OVCH1: variants seen among roughly 807,000 people sequenced by gnomAD.
The protein encoded by OVCH1 is ovochymase-1.
In OVCH1, 139 loss-of-function variants were observed where a neutral mutation model predicts 138.4. That is an observed-to-expected ratio of 1.00 (90% CI 0.87 to 1.16). The LOEUF (loss-of-function observed/expected upper bound fraction) is 1.16. OVCH1 is among the 50% of genes most tolerant of loss of function. The probability of loss-of-function intolerance (pLI) is 0.00; values close to 1 mark genes in which losing one functional copy is unlikely to be tolerated. For synonymous variants in OVCH1, 453 were observed against 467.8 expected (o/e 0.97, Z 0.41); for missense variants, 1,367 against 1,357.9 (o/e 1.01, Z -0.11).
At chr12:29,492,563 T>C (rs1202350742) in intron 4 of OVCH1, among the ~76,000 whole-genome samples, 1 of 152,086 alleles carries the variant, frequency 6.6e-6, no homozygotes, top group Non-Finnish European at 1.5e-5. Flanking sequence ...CCATTAAAAT[T>C]AACCCAGGCA....
rs570509690 is a variant in OVCH1 at position 29,451,297 on chromosome 12, C to T, written c.2755+48G>A. 10 of 1,484,494 alleles carry T rather than the reference C, an allele frequency of 6.7e-6. No individual in the cohort carries two copies. In the South Asian group the frequency reaches 1.1e-4, roughly 16 times the overall value. The allele number at this position is 1,484,494 out of a possible 1,614,324, so 92.0% of individuals were successfully genotyped here. A position where few individuals can be genotyped will look rare whatever the true frequency, so the allele number is the denominator to read the frequency against. On this transcript the variant is annotated intron_variant, in intron 22 of 27. Coordinates refer to ENST00000318184, the Ensembl canonical transcript of OVCH1. ...CTCATTCCTGATCATAAGCTGCCTA[C>T]ATGGACCAAGACTCCTAGCACGAAG...
At chr12:29,487,786 C>A in exon 7 of OVCH1, 2 of 1,606,516 alleles carry the variant, frequency 1.2e-6, no homozygotes, top group East Asian at 2.2e-5. Context: ...CTTACGGGAA[C>A]TGAACCTCCA....
chr12:29,495,884 T>C (rs556031868), intron 3 of OVCH1, among the ~76,000 whole-genome samples: 2 of 152,356 alleles, frequency 1.3e-5, no homozygotes, highest in East Asian at 3.9e-4. Context: ...CTTTGGAGCA[T>C]CCATTTAACA....
chr12:29,451,166 C>CATAATA (rs201837372), intron 22 of OVCH1, among the ~76,000 whole-genome samples, 179 bp downstream of exon 22: 25 of 150,168 alleles, frequency 1.7e-4, no homozygotes, highest in East Asian at 1.4e-3. Context: ...AAAGTATAAT[C>CATAATA]ATAATAATAA....
At chr12:29,488,633 A>G (rs1943185480) in intron 6 of OVCH1, among the ~76,000 whole-genome samples, 1 of 150,968 alleles carries the variant, frequency 6.6e-6, no homozygotes. Flanking sequence ...AAAAAAAAAA[A>G]AAAAAAAAAA....
At chr12:29,408,867 A>T (rs1014011094), downstream of OVCH1, among the ~76,000 whole-genome samples, 6 of 152,126 alleles carry the variant, frequency 3.9e-5, no homozygotes, top group African/African-American at 1.4e-4. Context: ...TGATTGGAAT[A>T]GTTTCAGAAG....
At chr12:29,410,658 T>C (rs1940943085), downstream of OVCH1, among the ~76,000 whole-genome samples, 1 of 151,084 alleles carries the variant, frequency 6.6e-6, no homozygotes, top group Non-Finnish European at 1.5e-5. Flanking sequence ...TTCTGGCTTG[T>C]AGAGTTTCTG....
chr12:29,448,448 T>C (rs560224537), intron 22 of OVCH1, among the ~76,000 whole-genome samples: 1 of 151,992 alleles, frequency 6.6e-6, no homozygotes, highest in South Asian at 2.1e-4. Context: ...AAGGTGACAT[T>C]CCATCAAGAA....
chr12:29,407,982 T>G (rs1470351532), downstream of OVCH1, among the ~76,000 whole-genome samples: 1 of 142,744 alleles, frequency 7.0e-6, no homozygotes, highest in Non-Finnish European at 1.6e-5. Context: ...TTTTATTTCC[T>G]TGAGCAGTGG....
the OVCH1 span, among the ~76,000 whole-genome samples, chr12:29,405,999 C>G: frequency 2.6e-5 from 4 of 152,196 alleles, no homozygotes; most frequent in African/African-American, 9.6e-5. Context: ...GTTATTTTCA[C>G]ATAATCTTTT....
chr12:29,435,026 A>AAGTT (rs1387924642), intron 26 of OVCH1, among the ~76,000 whole-genome samples: 1 of 152,222 alleles, frequency 6.6e-6, no homozygotes, highest in Non-Finnish European at 1.5e-5. Flanking sequence ...GGGAACTAAA[A>AAGTT]AGTTATTGCT....
At chr12:29,442,889 A>C (rs1222932310) in intron 25 of OVCH1, among the ~76,000 whole-genome samples, 1 of 152,020 alleles carries the variant, frequency 6.6e-6, no homozygotes, top group African/African-American at 2.4e-5. Flanking sequence ...GTATTTATCA[A>C]CTTGTAAAGA....
intron 3 of OVCH1, 67 bp downstream of exon 3, chr12:29,496,114 G>A (rs1943407593): frequency 1.4e-6 from 2 of 1,404,378 alleles, no homozygotes; most frequent in South Asian, 1.2e-5. Flanking sequence ...GCTATTTAGA[G>A]CAACAAATCT....
intron 19 of OVCH1, among the ~76,000 whole-genome samples, chr12:29,461,449 A>T (rs1238569243): frequency 6.6e-6 from 1 of 152,238 alleles, no homozygotes; most frequent in African/African-American, 2.4e-5. Context: ...GAGTACAGAG[A>T]TTAATGATAA....
At chr12:29,487,206 A>G (rs1171711557) in intron 7 of OVCH1, 1 of 196,540 alleles carries the variant, frequency 5.1e-6, no homozygotes, top group Admixed American at 5.7e-5. Flanking sequence ...CATTCTGCAG[A>G]CGACAGGTTT....
At chr12:29,485,969 AAAAT>A (rs60243865) in intron 8 of OVCH1, among the ~76,000 whole-genome samples, 66,960 of 135,926 alleles carry the variant, frequency 0.49, 17,226 homozygotes, top group Middle Eastern at 0.61. Context: ...AAAATAAAAT[AAAAT>A]AAATAAATAA....
chr12:29,471,748 A>G, intron 16 of OVCH1, 54 bp downstream of exon 16: 9 of 1,518,622 alleles, frequency 5.9e-6, no homozygotes, highest in African/African-American at 2.8e-5. Context: ...TGTCCTAGGC[A>G]TTACTTACAA....
intron 17 of OVCH1, 107 bp downstream of exon 17, chr12:29,465,040 G>T (rs1942269223): frequency 1.1e-6 from 1 of 928,238 alleles, no homozygotes; most frequent in Non-Finnish European, 1.6e-6. Flanking sequence ...AGTGTGAAAG[G>T]GCCCTAGGAG....
At position 29,496,173 on chromosome 12, in the gene OVCH1, C is replaced by CAA; in HGVS notation, c.281+6_281+7dup. On this transcript the variant is annotated splice_region_variant and intron_variant, in intron 3 of 27. Coordinates refer to ENST00000318184, the Ensembl canonical transcript of OVCH1. ...AGGCCTGACAAGTAATGGAAATCCACAACTTACTCACTGAGGCTGTCCAGG... is the reference window on the plus strand; with the variant it reads ...AGGCCTGACAAGTAATGGAAATCCACAAAACTTACTCACTGAGGCTGTCCAGG... 1 of 1,594,672 alleles carries CAA rather than the reference C, an allele frequency of 6.3e-7. No individual in the cohort carries two copies. Among genetic ancestry groups the CAA allele is most frequent in the Non-Finnish European group, 8.6e-7 (1 of 1,167,990 alleles).
Sources: gnomAD v4.1 joint callset for allele counts (sites outside exome capture counted in the v4.1 genomes callset) on GRCh38, gnomAD v4.1.1 for gene constraint, MANE v1.5 for transcripts, NCBI Gene and HGNC (gene_info 2026-07-23, HGNC 2026-07-21) for gene names.